The following RIIAD1 variants were observed in gnomAD, a reference collection of about 807,000 sequenced individuals.
RIIAD1 encodes the protein RIIa domain-containing protein 1.
RIIAD1 carries 15 observed loss-of-function variants against 13.3 expected under a neutral mutation model. The observed-to-expected ratio is 1.13, with a 90% confidence interval of 0.76 to 1.74. The LOEUF is 1.74. RIIAD1 is among the 40% of genes most tolerant of loss of function. The pLI, the probability that RIIAD1 is intolerant of heterozygous loss-of-function variation, is 0.00. For missense variants in RIIAD1, 121 were observed against 112.2 expected (o/e 1.08, Z -0.35); for synonymous variants, 50 against 43.3 (o/e 1.16, Z -0.61).
chr1:151,716,600 G>A (rs1038864226), upstream of RIIAD1: 254 of 348,272 alleles, frequency 7.3e-4, 1 homozygote, highest in Middle Eastern at 1.1e-3. Context: ...CCAGATGCTT[G>A]ATCTCTGATG....
At chr1:151,720,598 C>T (rs1366086753), upstream of RIIAD1, among the ~76,000 whole-genome samples, 1 of 152,232 alleles carries the variant, frequency 6.6e-6, no homozygotes, top group Non-Finnish European at 1.5e-5. Context: ...AACCCCTCCA[C>T]GGCCAGGGCC....
chr1:151,717,716 A>G (rs115075248), upstream of RIIAD1, among the ~76,000 whole-genome samples: 1,358 of 152,350 alleles, frequency 8.9e-3, 23 homozygotes, highest in African/African-American at 0.031. Context: ...CAGAAACCCA[A>G]TTACTCTTTC....
intron 2 of RIIAD1, among the ~76,000 whole-genome samples, chr1:151,726,219 C>T (rs1339619162): frequency 1.3e-5 from 2 of 152,152 alleles, no homozygotes; most frequent in East Asian, 1.9e-4. Context: ...CTCTCAGTAA[C>T]CTCTCTCCCC....
chr1:151,714,306 G>A (rs141522110), intron 3 of RIIAD1: 87 of 579,272 alleles, frequency 1.5e-4, no homozygotes, highest in African/African-American at 1.2e-3. Context: ...TCCAACCAGC[G>A]AGTCCTCCCT....
intron 4 of RIIAD1, chr1:151,716,175 C>T: frequency 1.4e-6 from 1 of 713,326 alleles, no homozygotes; most frequent in Non-Finnish European, 2.2e-6. Context: ...AGAGGGGCGG[C>T]TCTTCACACA....
intron 4 of RIIAD1, chr1:151,714,712 G>C: frequency 2.1e-6 from 3 of 1,432,330 alleles, no homozygotes; most frequent in Non-Finnish European, 2.9e-6. Context: ...CACGGCGGGG[G>C]GTGAGTCCTC....
At chr1:151,715,836 A>G (rs752826040) in intron 4 of RIIAD1, 1 of 1,594,006 alleles carries the variant, frequency 6.3e-7, no homozygotes, top group Non-Finnish European at 8.6e-7. Flanking sequence ...CCAGCCTCCC[A>G]GCCCACCCCG....
upstream of RIIAD1, among the ~76,000 whole-genome samples, chr1:151,721,271 C>T (rs568756341): frequency 1.3e-5 from 2 of 152,312 alleles, no homozygotes; most frequent in Non-Finnish European, 2.9e-5. Context: ...TCCTGTTTTA[C>T]TCTAGAGCTA....
chr1:151,715,739 C>T, intron 4 of RIIAD1: 1 of 1,590,828 alleles, frequency 6.3e-7, no homozygotes, highest in Non-Finnish European at 8.5e-7. Flanking sequence ...TTCAGCTCCT[C>T]CATCCACTTT....
upstream of RIIAD1, among the ~76,000 whole-genome samples, chr1:151,721,351 G>A (rs943894265): frequency 6.6e-6 from 1 of 152,210 alleles, no homozygotes; most frequent in African/African-American, 2.4e-5. Flanking sequence ...CCAGAAATCA[G>A]TCCCCCAATC....
At chr1:151,717,112 G>C (rs1006804401), upstream of RIIAD1, among the ~76,000 whole-genome samples, 1 of 152,140 alleles carries the variant, frequency 6.6e-6, no homozygotes, top group African/African-American at 2.4e-5. Context: ...AGCTGTCCCC[G>C]GTGCTGGAAG....
chr1:151,715,529 C>A (rs971875630), intron 4 of RIIAD1: 1 of 1,009,970 alleles, frequency 9.9e-7, no homozygotes, highest in East Asian at 5.3e-5. Context: ...CACGCACACA[C>A]ACACACACCC....
rs1033921671 is a variant in RIIAD1, at chr1:151,728,519, T to C, written c.209-247T>C. 6 of 462,272 alleles carry C rather than the reference T, an allele frequency of 1.3e-5. No individual in the cohort carries two copies. In the African/African-American group the frequency reaches 1.3e-4, roughly 10 times the overall value. 28.6% of individuals were successfully genotyped at this position (462,272 alleles called of 1,614,324 possible). On this transcript the variant is annotated intron_variant, in intron 3 of 4. Coordinates refer to ENST00000479191, the MANE Select transcript of RIIAD1 (RefSeq NM_001144956.3). The stretch of plus-strand genomic sequence containing the variant: ...GTGGGGGGTGGGGCCAGGCACAGCG[T>C]GGAGGGGAGGCAGCCAGCCTCTGGG...
chr1:151,728,482 G>T lies in RIIAD1; in HGVS notation c.209-284G>T, dbSNP rs1479520269. 1.6e-5 allele frequency: 4 copies of T among 252,112 alleles called. No individual in the cohort carries two copies. In the East Asian group the frequency reaches 1.9e-4, roughly 12 times the overall value. 15.6% of individuals were successfully genotyped at this position (252,112 alleles called of 1,614,324 possible). A position where few individuals can be genotyped will look rare whatever the true frequency, so the allele number is the denominator to read the frequency against. On this transcript the variant is annotated intron_variant, in intron 3 of 4. Coordinates refer to ENST00000479191, the MANE Select transcript of RIIAD1 (RefSeq NM_001144956.3). ...GCAAACGGTGCGACTCGGGGTAGGT[G>T]GGGGGTGGGGGGTGGGGGGTGGGGC...
rs139994697 is a variant in RIIAD1 at position 151,714,704 on chromosome 1, C to T, written c.21+175C>T. 34 of 1,496,990 alleles carry T rather than the reference C, an allele frequency of 2.3e-5. No homozygotes were observed. In the East Asian group the frequency reaches 6.9e-4, roughly 30 times the overall value. The allele number at this position is 1,496,990 out of a possible 1,614,324, so 92.7% of individuals were successfully genotyped here. A position where few individuals can be genotyped will look rare whatever the true frequency, so the allele number is the denominator to read the frequency against. On this transcript the variant is annotated intron_variant, in intron 4 of 8. Transcript: ENST00000326413. ...GAGGAGGGGCAGGGGCAGAGAAACA[C>T]GGCGGGGGGTGAGTCCTCCATCTCC...
At position 151,727,638 on chromosome 1, in the gene RIIAD1, C is replaced by T. The variant is rs1235806601; in HGVS notation, c.208+17C>T. 5.9e-6 allele frequency: 9 copies of T among 1,533,324 alleles called. No individual in the cohort carries two copies. Among genetic ancestry groups the T allele is most frequent in the South Asian group, 3.6e-5 (3 of 83,708 alleles). 95.0% of individuals were successfully genotyped at this position (1,533,324 alleles called of 1,614,324 possible). A position where few individuals can be genotyped will look rare whatever the true frequency, so the allele number is the denominator to read the frequency against. On this transcript the variant is annotated intron_variant, in intron 3 of 4. Transcript: ENST00000479191. ...TTGCTGCAGGTGAGTAAGGCAGCGT[C>T]GGTTTTGGGTATCTGACAAAGCCAG... is the stretch of plus-strand genomic sequence containing the variant.
Position 151,721,617 on chromosome 1 carries a change from CA to C in RIIAD1, c.83del (p.Lys28ArgfsTer12). The C allele has an allele frequency of 7.8e-7, 1 of 1,288,726 alleles. No homozygotes were observed. Among genetic ancestry groups the C allele is most frequent in the Non-Finnish European group, 9.9e-7 (1 of 1,014,844 alleles). 79.8% of individuals were successfully genotyped at this position (1,288,726 alleles called of 1,614,324 possible). Reference protein sequence around the residue: ...AAQLEQLRKFKIQTRIANEKY... With the variant: ...AAQLEQLRKFXIQTRIANEKY... Reference sequence around the variant, plus strand: ...CGCAGCTGGAGCAGCTGCGAAAATTCAAGGTGGGTGCGCCCGCGCCCCCATC... The same window carrying C: ...CGCAGCTGGAGCAGCTGCGAAAATTCAGGTGGGTGCGCCCGCGCCCCCATC... On this transcript the variant is annotated frameshift_variant and splice_region_variant, in exon 1 of 5. Transcript: ENST00000479191. LOFTEE classifies it high-confidence loss of function.
chr1:151,716,042 G>T, intron 4 of RIIAD1: 1 of 1,598,368 alleles, frequency 6.3e-7, no homozygotes, highest in Non-Finnish European at 8.5e-7. Context: ...AGGAGGAGGG[G>T]CCGAGGGGAG....
chr1:151,712,089 G>A (rs1025195287), intron 2 of RIIAD1: 1 of 152,386 alleles, frequency 6.6e-6, no homozygotes, highest in Non-Finnish European at 1.5e-5. Flanking sequence ...ACTTCCTGTG[G>A]GGAGCTCAGG....
Sources: allele counts gnomAD v4.1 joint callset (sites outside exome capture counted in the v4.1 genomes callset), GRCh38; gene constraint gnomAD v4.1.1; transcripts MANE v1.5; gene names NCBI Gene and HGNC (gene_info 2026-07-23, HGNC 2026-07-21).